ANO4: variants seen among roughly 807,000 people sequenced by gnomAD.
ANO4 encodes anoctamin-4.
Under a neutral mutation model 141.9 loss-of-function variants are expected in ANO4, and 69 were observed. The observed-to-expected ratio is 0.49, with a 90% CI of 0.40 to 0.59. The LOEUF is 0.59. ANO4 is among the 20% of genes least tolerant of loss of function. ANO4 has a pLI of 0.00. For missense variants in ANO4, 894 were observed against 1,162.2 expected (o/e 0.77, Z 3.36); for synonymous variants, 350 against 394.3 (o/e 0.89, Z 1.33).
rs117909211 is a variant in ANO4, at chr12:100,723,799, A to G, written c.22+6252A>G. Among the ~76,000 whole-genome samples the G allele has an allele frequency of 5.4e-3, 816 of 152,264 alleles. 8 individuals are homozygous for G. The highest frequency in any genetic ancestry group is 0.017 in the African/African-American group (708 of 41,554). Reference sequence around the variant, plus strand: ...CCCAAATGCCCCATCCCCAAATACTATCACACTGGGGGTTAGTGAGGGCCT... The same window carrying G: ...CCCAAATGCCCCATCCCCAAATACTGTCACACTGGGGGTTAGTGAGGGCCT... On this transcript the variant is annotated intron_variant, in intron 1 of 29. Coordinates refer to the ANO4 transcript ENST00000644049.
chr12:100,831,961 A>G (rs532685370), intron 1 of ANO4, among the ~76,000 whole-genome samples: 1 of 152,226 alleles, frequency 6.6e-6, no homozygotes, highest in East Asian at 1.9e-4. Context: ...AGAAGTATAA[A>G]TGTAGCGGGC....
At position 101,042,430 on chromosome 12, in the gene ANO4, T is replaced by A; in HGVS notation, c.1116T>A (p.Phe372Leu). 2.5e-6 allele frequency: 4 copies of A among 1,614,176 alleles called. No homozygotes were observed. Among genetic ancestry groups the A allele is most frequent in the Non-Finnish European group, 3.4e-6 (4 of 1,180,008 alleles). Residue 372 changes from phenylalanine to leucine, a missense_variant, in exon 12 of 28, where the codon TTT (phenylalanine) becomes TTA (leucine). Physicochemically the swap from Phe to Leu is conservative, Grantham distance 22 (BLOSUM62 0). Coordinates refer to ENST00000392977, the MANE Select transcript of ANO4 (RefSeq NM_001286615.2). Reference sequence around the variant, plus strand: ...CTGCCTTCATTGGATTGTTTGTCTTTTTGTATGGCGTCACCACTCTGGATC... The same window carrying A: ...CTGCCTTCATTGGATTGTTTGTCTTATTGTATGGCGTCACCACTCTGGATC... ...FPAAFIGLFVFLYGVTTLDHS... is the reference protein window; with the variant it reads ...FPAAFIGLFVLLYGVTTLDHS...
intron 1 of ANO4, among the ~76,000 whole-genome samples, chr12:100,799,344 T>C (rs1294763963): frequency 3.5e-4 from 54 of 152,180 alleles, no homozygotes; most frequent in Non-Finnish European, 1.5e-4. Flanking sequence ...GCATCAGTGT[T>C]ACTCAGAAAA....
intron 8 of ANO4, among the ~76,000 whole-genome samples, chr12:101,011,386 A>G (rs1199987549): frequency 7.0e-6 from 1 of 142,392 alleles, no homozygotes; most frequent in Non-Finnish European, 1.5e-5. Flanking sequence ...CATTTTTTCC[A>G]TATAGAAAAT....
intron 1 of ANO4, among the ~76,000 whole-genome samples, chr12:100,894,849 C>G (rs1053495157): frequency 9.9e-5 from 15 of 151,344 alleles, no homozygotes; most frequent in African/African-American, 3.6e-4. Context: ...GCCTGTAGTC[C>G]CAGCTACTTG....
intron 8 of ANO4, among the ~76,000 whole-genome samples, chr12:100,991,454 A>G (rs2045097978): frequency 6.6e-6 from 1 of 150,628 alleles, no homozygotes; most frequent in Non-Finnish European, 1.5e-5. Flanking sequence ...ATACAAGCTA[A>G]TAATAGAAAT....
intron 1 of ANO4, among the ~76,000 whole-genome samples, chr12:100,855,129 G>C (rs2038096656): frequency 6.6e-6 from 1 of 151,990 alleles, no homozygotes; most frequent in Non-Finnish European, 1.5e-5. Flanking sequence ...CTATAGCTGG[G>C]GCATTCCATT....
At chr12:100,733,270 CT>C (rs1307019456) in intron 1 of ANO4, among the ~76,000 whole-genome samples, 5 of 152,174 alleles carry the variant, frequency 3.3e-5, no homozygotes, top group Non-Finnish European at 7.3e-5. Context: ...ACGAAGCTGC[CT>C]GTGGCCTCTC....
chr12:100,729,944 C>T (rs2031314856), intron 1 of ANO4, among the ~76,000 whole-genome samples: 1 of 152,134 alleles, frequency 6.6e-6, no homozygotes, highest in Non-Finnish European at 1.5e-5. Context: ...TTCAAGCATT[C>T]TGCTTGTTTG....
intron 1 of ANO4, 101 bp downstream of exon 1, chr12:100,795,128 CCT>C (rs1404899272): frequency 6.5e-6 from 1 of 152,730 alleles, no homozygotes; most frequent in Non-Finnish European, 1.5e-5. Flanking sequence ...TTCTGCATTT[CCT>C]CTGTTTTCAT....
At chr12:100,901,198 T>C (rs1210283969) in intron 1 of ANO4, among the ~76,000 whole-genome samples, 1 of 152,234 alleles carries the variant, frequency 6.6e-6, no homozygotes, top group Non-Finnish European at 1.5e-5. Context: ...TTCATTTTGC[T>C]TTTGGTATGT....
At chr12:101,113,639 AT>A (rs1290897180) in intron 24 of ANO4, among the ~76,000 whole-genome samples, 12 of 151,908 alleles carry the variant, frequency 7.9e-5, no homozygotes, top group African/African-American at 2.9e-4. Flanking sequence ...TACTTTTCAG[AT>A]TTTTTTTATT....
At chr12:100,809,094 A>G (rs2035238118) in intron 1 of ANO4, among the ~76,000 whole-genome samples, 1 of 152,204 alleles carries the variant, frequency 6.6e-6, no homozygotes, top group Non-Finnish European at 1.5e-5. Flanking sequence ...TGAAATGATG[A>G]AAACAAAGAA....
chr12:100,967,629 G>T (rs150176490), intron 5 of ANO4, among the ~76,000 whole-genome samples: 2 of 150,904 alleles, frequency 1.3e-5, no homozygotes, highest in Non-Finnish European at 1.5e-5. Context: ...GATATTCATC[G>T]CCATTCAAGA....
intron 15 of ANO4, among the ~76,000 whole-genome samples, chr12:101,082,974 G>C (rs917224040): frequency 1.3e-5 from 2 of 152,138 alleles, no homozygotes; most frequent in African/African-American, 4.8e-5. Context: ...TTAGTCAGAA[G>C]CTTTTCACAT....
At chr12:101,088,111 C>T (rs1372549377) in intron 17 of ANO4, among the ~76,000 whole-genome samples, 3 of 152,174 alleles carry the variant, frequency 2.0e-5, no homozygotes, top group Non-Finnish European at 4.4e-5. Flanking sequence ...CACGGGCTTT[C>T]GCTCATCTGG....
chr12:100,918,527 T>C (rs1398480367), intron 2 of ANO4, among the ~76,000 whole-genome samples: 3 of 152,186 alleles, frequency 2.0e-5, no homozygotes, highest in African/African-American at 7.2e-5. Context: ...TCATCAGTGA[T>C]GGACCACATA....
At chr12:100,999,861 A>G (rs1027287374) in intron 8 of ANO4, among the ~76,000 whole-genome samples, 21 of 151,198 alleles carry the variant, frequency 1.4e-4, no homozygotes, top group African/African-American at 5.1e-4. Flanking sequence ...CCTGGCCAAC[A>G]TTGTGAAACC....
At chr12:100,874,716 T>C (rs1303838658) in intron 1 of ANO4, among the ~76,000 whole-genome samples, 1 of 151,932 alleles carries the variant, frequency 6.6e-6, no homozygotes, top group South Asian at 2.1e-4. Flanking sequence ...GACAGGGTTT[T>C]GCCATGTTGG....
Sources: gnomAD v4.1 joint callset for allele counts (sites outside exome capture counted in the v4.1 genomes callset) on GRCh38, gnomAD v4.1.1 for gene constraint, MANE v1.5 for transcripts, NCBI Gene and HGNC (gene_info 2026-07-23, HGNC 2026-07-21) for gene names.